DGKD: variants seen among roughly 807,000 people sequenced by gnomAD.
The protein encoded by DGKD is diacylglycerol kinase delta, also known as DAG kinase delta.
In DGKD, 68 loss-of-function variants were observed where a neutral mutation model predicts 154.4. The observed-to-expected ratio is 0.44, with a 90% confidence interval of 0.36 to 0.54. The LOEUF is 0.54. Among genes scored for constraint, DGKD ranks in the 20% least tolerant of loss-of-function variants. The probability of loss-of-function intolerance (pLI) is 0.00; values close to 1 mark genes in which losing one functional copy is unlikely to be tolerated. For synonymous variants in DGKD, 693 were observed against 638.0 expected (o/e 1.09, Z -1.30); for missense variants, 1,343 against 1,593.6 (o/e 0.84, Z 2.68).
intron 3 of DGKD, among the ~76,000 whole-genome samples, chr2:233,414,635 C>G (rs2061913244): frequency 6.6e-6 from 1 of 152,172 alleles, no homozygotes; most frequent in Admixed American, 6.5e-5. Context: ...GTCCTGGGTC[C>G]TGTGGTACAG....
rs776443688 is a variant in DGKD, at chr2:233,449,283, C to T, written c.1795C>T (p.Arg599Trp). The change falls in exon 15 of 30, where the codon CGG (arginine) becomes TGG (tryptophan). Residue 599 changes from arginine (R) to tryptophan (W), a missense_variant. Coordinates refer to ENST00000264057, the MANE Select transcript of DGKD (RefSeq NM_152879.3). The surrounding 1 kb of genome is among the most constrained non-coding windows in gnomAD (Gnocchi z 5.3). ...DRLVASACPA[R>W]PQIFRPREQL... ...CTTGGTGGCATCAGCTTGCCCGGCC[C>T]GGCCGCAGATATTCCGGCCTCGAGA... 36 of 1,613,246 alleles carry T rather than the reference C, an allele frequency of 2.2e-5. 1 individual carries two copies. Among genetic ancestry groups the T allele is most frequent in the Middle Eastern group, 1.6e-4 (1 of 6,080 alleles).
chr2:233,355,865 A>G (rs1393421937), intron 1 of DGKD, among the ~76,000 whole-genome samples: 10 of 152,230 alleles, frequency 6.6e-5, no homozygotes, highest in Admixed American at 2.0e-4. Flanking sequence ...GAACCCAATA[A>G]GTTGGATGCT....
chr2:233,447,776 T>C (rs2063134260), intron 12 of DGKD: 1 of 1,124,328 alleles, frequency 8.9e-7, no homozygotes, highest in African/African-American at 1.6e-5. Flanking sequence ...AGCATGCCGC[T>C]GTCAGGATGA....
chr2:233,368,149 G>A (rs1184527904), intron 1 of DGKD, among the ~76,000 whole-genome samples: 1 of 152,116 alleles, frequency 6.6e-6, no homozygotes, highest in African/African-American at 2.4e-5. Context: ...TTTTTAAAAT[G>A]GAGATTCCTG....
rs1166531148 is a variant in DGKD, at chr2:233,445,356, G to A, written c.1195-267G>A. 6.6e-6 allele frequency among the ~76,000 whole-genome samples: 1 copy of A among 152,138 alleles called. No homozygotes were observed. The highest frequency in any genetic ancestry group is 2.4e-5 in the African/African-American group (1 of 41,436). On this transcript the variant is annotated intron_variant, in intron 10 of 29. Transcript: ENST00000264057. The surrounding 1 kb of genome is among the most constrained non-coding windows in gnomAD (Gnocchi z 5.5). ...GGCTGACCATCAAGATGTGATGACAGCTGAGAGATGGACCTGTGGCTCATC... is the reference window on the plus strand; with the variant it reads ...GGCTGACCATCAAGATGTGATGACAACTGAGAGATGGACCTGTGGCTCATC...
chr2:233,404,498 A>C lies in DGKD; in HGVS notation c.348+14015A>C, dbSNP rs752348483. Among the ~76,000 whole-genome samples, 5 of 152,206 alleles carry C rather than the reference A, an allele frequency of 3.3e-5. No individual in the cohort carries two copies. In the East Asian group the frequency reaches 7.7e-4, roughly 23 times the overall value. On this transcript the variant is annotated intron_variant, in intron 3 of 29. Coordinates refer to ENST00000264057, the MANE Select transcript of DGKD (RefSeq NM_152879.3). ...GGGTTCCTTTTTGTTACCTGCCCTG[A>C]GAGTTGAGAAGACAAAACTTCCTCC... is the stretch of plus-strand genomic sequence containing the variant.
chr2:233,432,449 G>C (rs2062557378), intron 3 of DGKD, among the ~76,000 whole-genome samples: 1 of 151,034 alleles, frequency 6.6e-6, no homozygotes. Flanking sequence ...CATGAGGTCA[G>C]GAGATCGTGA....
Position 233,456,999 on chromosome 2 carries a change from A to G in DGKD, c.2472+4A>G. The G allele has an allele frequency of 5.6e-6, 9 of 1,612,124 alleles. No individual in the cohort carries two copies. Among genetic ancestry groups the G allele is most frequent in the Non-Finnish European group, 7.6e-6 (9 of 1,178,236 alleles). On this transcript the variant is annotated splice_donor_region_variant and intron_variant, in intron 20 of 29. Transcript: ENST00000264057. Reference sequence around the variant, plus strand: ...GGAGCAAAAGGTCTTGCTGGAGGTGAGTGGGAGGGTCCTTGTCACCTGCAG... The same window carrying G: ...GGAGCAAAAGGTCTTGCTGGAGGTGGGTGGGAGGGTCCTTGTCACCTGCAG...
chr2:233,375,167 C>T (rs1702507595), intron 1 of DGKD, among the ~76,000 whole-genome samples: 1 of 152,044 alleles, frequency 6.6e-6, no homozygotes, highest in Non-Finnish European at 1.5e-5. Context: ...GGCACACGCC[C>T]GTAGTCCCAG....
At chr2:233,436,005 C>T (rs1355022947) in intron 6 of DGKD, 81 bp downstream of exon 6, 6 of 1,344,308 alleles carry the variant, frequency 4.5e-6, no homozygotes, top group Non-Finnish European at 5.1e-6. Flanking sequence ...CCTCCCTGCC[C>T]TCCCTGCCAC....
At position 233,438,166 on chromosome 2, in the gene DGKD, T is replaced by G. The variant is rs751805086; in HGVS notation, c.923-51T>G. 3.1e-6 allele frequency: 5 copies of G among 1,595,160 alleles called. No homozygotes were observed. In the East Asian group the frequency reaches 1.1e-4, roughly 36 times the overall value. ...GCTGCTGATTCCATCAGTGGTGCCCTCAGCGTCTTCCGTGGCCTATATATT... is the reference window on the plus strand; with the variant it reads ...GCTGCTGATTCCATCAGTGGTGCCCGCAGCGTCTTCCGTGGCCTATATATT... On this transcript the variant is annotated intron_variant, in intron 8 of 29. Transcript: ENST00000264057. This position sits in a 1 kb window ranked among gnomAD's most constrained non-coding sequence, Gnocchi z 4.1.
chr2:233,392,502 G>A (rs929179673), intron 3 of DGKD: 4 of 152,068 alleles, frequency 2.6e-5, no homozygotes, highest in Non-Finnish European at 4.4e-5. Context: ...TTAAACAATT[G>A]TTTTTTCTGT....
chr2:233,406,867 A>T (rs1434040003), intron 3 of DGKD, among the ~76,000 whole-genome samples: 3 of 152,180 alleles, frequency 2.0e-5, no homozygotes, highest in Admixed American at 6.5e-5. Context: ...GCTTGCCCTG[A>T]AATAATCATA....
chr2:233,413,768 C>T (rs1176596187), intron 3 of DGKD, among the ~76,000 whole-genome samples: 1 of 152,200 alleles, frequency 6.6e-6, no homozygotes, highest in African/African-American at 2.4e-5. Context: ...GCCGTGCCCT[C>T]CCACGGTGGC....
chr2:233,369,685 C>T (rs1702213896), intron 1 of DGKD, among the ~76,000 whole-genome samples: 1 of 152,198 alleles, frequency 6.6e-6, no homozygotes, highest in South Asian at 2.1e-4. Context: ...TGGCTGGGCA[C>T]AATCTGGGGC....
At chr2:233,378,904 A>C (rs2125413959) in intron 1 of DGKD, among the ~76,000 whole-genome samples, 1 of 152,300 alleles carries the variant, frequency 6.6e-6, no homozygotes, top group East Asian at 1.9e-4. Context: ...AAACAAGCGC[A>C]CCTGTAGTCC....
intron 3 of DGKD, among the ~76,000 whole-genome samples, chr2:233,411,724 C>A (rs868552120): frequency 6.6e-6 from 1 of 152,114 alleles, no homozygotes; most frequent in Non-Finnish European, 1.5e-5. Flanking sequence ...AGTATTCTAT[C>A]CAGAAAACCC....
chr2:233,354,794 C>A lies in DGKD; in HGVS notation c.156+120C>A. 3 of 466,102 alleles carry A rather than the reference C, an allele frequency of 6.4e-6. No individual in the cohort carries two copies. Among genetic ancestry groups the A allele is most frequent in the South Asian group, 8.9e-5 (1 of 11,192 alleles). 28.9% of individuals were successfully genotyped at this position (466,102 alleles called of 1,614,324 possible). A position where few individuals can be genotyped will look rare whatever the true frequency, so the allele number is the denominator to read the frequency against. On this transcript the variant is annotated intron_variant, in intron 1 of 29. Transcript: ENST00000264057. This position sits in a 1 kb window ranked among gnomAD's most constrained non-coding sequence, Gnocchi z 4.8. ...CGGCTCGGCCCGGCCCGGGGTCCCG[C>A]GGGCGTCACCGCCCCTGTCGAGCGT...
At chr2:233,420,116 A>G (rs1447669797) in intron 3 of DGKD, among the ~76,000 whole-genome samples, 1 of 152,190 alleles carries the variant, frequency 6.6e-6, no homozygotes, top group African/African-American at 2.4e-5. Flanking sequence ...GGGGTGTATA[A>G]AAGCCCTGGG....
Sources: gnomAD v4.1 joint callset for allele counts (sites outside exome capture counted in the v4.1 genomes callset) on GRCh38, gnomAD v4.1.1 for gene constraint, Gnocchi (gnomAD v3.1) non-coding constraint, MANE v1.5 for transcripts, NCBI Gene and HGNC (gene_info 2026-07-23, HGNC 2026-07-21) for gene names.